COPS3: variants seen among roughly 807,000 people sequenced by gnomAD.
COPS3 encodes COP9 signalosome complex subunit 3.
COPS3 carries 10 observed loss-of-function variants against 58.2 expected under a neutral mutation model. That is an observed-to-expected ratio of 0.17 (90% CI 0.11 to 0.29). The LOEUF (loss-of-function observed/expected upper bound fraction) is 0.29. Among genes scored for constraint, COPS3 ranks in the 10% least tolerant of loss-of-function variants. COPS3 has a pLI of 1.00. For synonymous variants in COPS3, 187 were observed against 181.7 expected, an observed-to-expected ratio of 1.03 and a Z score of -0.24; for missense variants, 333 against 510.1, an observed-to-expected ratio of 0.65 and a Z score of 3.34.
rs1457515692 is a variant in COPS3, at chr17:17,255,684, G to A, written c.937-739C>T. Among the ~76,000 whole-genome samples, 7 of 149,328 alleles carry A rather than the reference G, an allele frequency of 4.7e-5. No homozygotes were observed. In the East Asian group the frequency reaches 1.2e-3, roughly 26 times the overall value. On this transcript the variant is annotated intron_variant, in intron 8 of 11. Transcript: ENST00000268717. ...ATGAAACTCCACCTCTACTAAAAAC[G>A]CAAAAATTTGCCAGGCATGGTGGCA...
intron 10 of COPS3, chr17:17,247,931 C>T (rs1286315216): frequency 6.0e-6 from 1 of 167,368 alleles, no homozygotes; most frequent in East Asian, 1.7e-4. Flanking sequence ...GTTCACTTCC[C>T]TGCTCAGAGG....
chr17:17,276,563 G>C (rs908247452), intron 1 of COPS3, among the ~76,000 whole-genome samples: 1 of 150,910 alleles, frequency 6.6e-6, no homozygotes, highest in East Asian at 1.9e-4. Flanking sequence ...TTTTTTGTCT[G>C]GACTACATCT....
At chr17:17,261,324 A>G (rs936529208) in intron 7 of COPS3, among the ~76,000 whole-genome samples, 4 of 151,734 alleles carry the variant, frequency 2.6e-5, no homozygotes, top group African/African-American at 9.7e-5. Context: ...CAAGAGATCG[A>G]GACAATCCTG....
intron 1 of COPS3, among the ~76,000 whole-genome samples, chr17:17,277,618 C>T (rs962213748): frequency 1.3e-5 from 2 of 151,960 alleles, no homozygotes; most frequent in African/African-American, 4.8e-5. Flanking sequence ...AGGGGTCTCA[C>T]TATGTTGCCC....
At chr17:17,280,748 C>G (rs2048563986) in intron 1 of COPS3, 15 of 1,242,794 alleles carry the variant, frequency 1.2e-5, no homozygotes, top group Non-Finnish European at 1.6e-5. Flanking sequence ...GGATCGGCGG[C>G]AAAGATGACA....
At chr17:17,266,175 T>C (rs1271630231) in intron 5 of COPS3, among the ~76,000 whole-genome samples, 1 of 152,184 alleles carries the variant, frequency 6.6e-6, no homozygotes, top group Non-Finnish European at 1.5e-5. Flanking sequence ...AAATATCCCA[T>C]GCAGACTTCT....
intron 8 of COPS3, among the ~76,000 whole-genome samples, chr17:17,255,854 A>G (rs1357606606): frequency 6.7e-6 from 1 of 148,304 alleles, no homozygotes; most frequent in Non-Finnish European, 1.5e-5. Flanking sequence ...AAATAAATAA[A>G]TAAATAAATA....
At chr17:17,263,880 A>G (rs1212758948) in intron 6 of COPS3, among the ~76,000 whole-genome samples, 1 of 152,226 alleles carries the variant, frequency 6.6e-6, no homozygotes, top group Non-Finnish European at 1.5e-5. Context: ...TGAGTTAACT[A>G]TATTTGGCTA....
chr17:17,269,466 T>C (rs1017871479), intron 4 of COPS3, among the ~76,000 whole-genome samples: 2 of 151,894 alleles, frequency 1.3e-5, no homozygotes, highest in African/African-American at 2.4e-5. Context: ...AAAGGTGACA[T>C]GCGCCTGTAG....
chr17:17,255,756 C>T (rs912191689), intron 8 of COPS3, among the ~76,000 whole-genome samples: 1 of 151,428 alleles, frequency 6.6e-6, no homozygotes, highest in African/African-American at 2.4e-5. Flanking sequence ...AGGATAATCG[C>T]TTAAACTTGG....
At chr17:17,281,018 C>T (rs1470113939) in intron 1 of COPS3, 114 bp downstream of exon 1, 4 of 1,246,198 alleles carry the variant, frequency 3.2e-6, no homozygotes, top group Non-Finnish European at 4.5e-6. Flanking sequence ...AGCCCGGCCC[C>T]GGAGAAGAGT....
chr17:17,253,545 A>G (rs1355748570), intron 9 of COPS3, among the ~76,000 whole-genome samples: 3 of 152,134 alleles, frequency 2.0e-5, no homozygotes, highest in Non-Finnish European at 4.4e-5. Context: ...CCTAAGCTGG[A>G]TGCTAAGTCC....
rs1421197957 is a variant in COPS3 at position 17,260,347 on chromosome 17, T to C, written c.890A>G (p.Gln297Arg). 1 of 1,614,060 alleles carries C rather than the reference T, an allele frequency of 6.2e-7. No individual in the cohort carries two copies. Among genetic ancestry groups the C allele is most frequent in the African/African-American group, 1.3e-5 (1 of 74,936 alleles). Residue 297 changes from glutamine (Q) to arginine (R), a missense_variant, in exon 8 of 12, where the codon CAA becomes CGA. Gln to Arg is a conservative substitution (Grantham distance 43). Coordinates refer to ENST00000268717, the MANE Select transcript of COPS3 (RefSeq NM_003653.4). ...TRDNNMGLVK[Q>R]CLSSLYKKNI... is the part of the protein sequence containing the mutation. Reference sequence around the variant, plus strand: ...CTTCTTATAAAGAGATGACAAGCATTGCTTCACCAGCCCCATGTTGTTATC... The same window carrying C: ...CTTCTTATAAAGAGATGACAAGCATCGCTTCACCAGCCCCATGTTGTTATC...
chr17:17,259,710 A>T (rs1243315915), intron 8 of COPS3, among the ~76,000 whole-genome samples: 1 of 152,162 alleles, frequency 6.6e-6, no homozygotes. Context: ...CCTGGCCAAC[A>T]TAGCAAAACC....
chr17:17,276,159 T>C lies in COPS3; in HGVS notation c.61A>G (p.Met21Val). Residue 21 changes from methionine to valine, a missense_variant, in exon 2 of 12, where the codon ATG becomes GTG. By Grantham distance (21) the Met-to-Val change is conservative (BLOSUM62 1). Coordinates refer to ENST00000268717, the MANE Select transcript of COPS3 (RefSeq NM_003653.4). ...TTGATCAGTTCACAAAGCTGTGTCA[T>C]TTGCCCTGGAAAACAGGAACAACAC... ...SVRQLSAQGQ[M>V]TQLCELINKS... 6.2e-7 allele frequency: 1 copy of C among 1,613,860 alleles called. No individual in the cohort carries two copies. The highest frequency in any genetic ancestry group is 1.1e-5 in the South Asian group (1 of 91,076).
chr17:17,277,995 G>A (rs1200874826), intron 1 of COPS3, among the ~76,000 whole-genome samples: 1 of 152,128 alleles, frequency 6.6e-6, no homozygotes, highest in Non-Finnish European at 1.5e-5. Context: ...TTAGCTGGGT[G>A]TGGTGGCACA....
At position 17,261,760 on chromosome 17, in the gene COPS3, A is replaced by T. The variant is rs1397905689; in HGVS notation, c.762+206T>A. The T allele has an allele frequency of 1.2e-4, 61 of 506,242 alleles. 1 individual carries two copies. Among genetic ancestry groups the T allele is most frequent in the Non-Finnish European group, 3.5e-6 (1 of 283,172 alleles). The allele number at this position is 506,242 out of a possible 1,614,324, so 31.4% of individuals were successfully genotyped here. On this transcript the variant is annotated intron_variant, in intron 7 of 11. Coordinates refer to ENST00000268717, the MANE Select transcript of COPS3 (RefSeq NM_003653.4). ...ATCTATAGCTGTAAGTATCTAGAGC[A>T]CAAGTTTGAAAACGGGTTCCTGAGA...
At chr17:17,257,806 A>AG (rs2048010888) in intron 8 of COPS3, among the ~76,000 whole-genome samples, 1 of 147,822 alleles carries the variant, frequency 6.8e-6, no homozygotes, top group African/African-American at 2.5e-5. Context: ...CAAAAAAAAA[A>AG]AAAAAGAAAA....
chr17:17,276,840 T>A (rs2048471050), intron 1 of COPS3, among the ~76,000 whole-genome samples: 1 of 152,076 alleles, frequency 6.6e-6, no homozygotes, highest in African/African-American at 2.4e-5. Context: ...TCATAAATCT[T>A]CTAAATGGTC....
Sources: allele counts gnomAD v4.1 joint callset (sites outside exome capture counted in the v4.1 genomes callset), GRCh38; gene constraint gnomAD v4.1.1; transcripts MANE v1.5; gene names NCBI Gene and HGNC (gene_info 2026-07-23, HGNC 2026-07-21).